The following FRAS1 variants were observed in gnomAD, a reference collection of about 807,000 sequenced individuals.
FRAS1 encodes the protein Fraser extracellular matrix complex subunit 1, also known as extracellular matrix organizing protein FRAS1.
Under a neutral mutation model 435.2 loss-of-function variants are expected in FRAS1, and 290 were observed. The observed-to-expected ratio is 0.67, with a 90% CI of 0.61 to 0.73. FRAS1 has a LOEUF of 0.73. FRAS1 is among the 30% of genes least tolerant of loss of function. FRAS1 has a pLI of 0.00. For missense variants in FRAS1, 4,860 were observed against 5,001.5 expected (o/e 0.97, Z 0.85); for synonymous variants, 1,800 against 1,851.0 (o/e 0.97, Z 0.71).
intron 6 of FRAS1, among the ~76,000 whole-genome samples, chr4:78,256,590 C>T (rs2110139073): frequency 6.6e-6 from 1 of 152,248 alleles, no homozygotes; most frequent in South Asian, 2.1e-4. Flanking sequence ...TATTAGGGGA[C>T]CAGCTACTGG....
intron 1 of FRAS1, 82 bp downstream of exon 1, chr4:78,058,167 A>G: frequency 7.7e-7 from 1 of 1,299,362 alleles, no homozygotes; most frequent in Non-Finnish European, 1.1e-6. Context: ...CAGTTTAAAA[A>G]TCTCAGCAGG....
intron 72 of FRAS1, among the ~76,000 whole-genome samples, chr4:78,537,966 A>G (rs1042315249): frequency 1.3e-5 from 2 of 152,092 alleles, no homozygotes; most frequent in African/African-American, 4.8e-5. Flanking sequence ...AAGAAAAAAA[A>G]AAGCCATAAT....
chr4:78,171,094 C>T (rs930026834), intron 2 of FRAS1, among the ~76,000 whole-genome samples: 1 of 152,106 alleles, frequency 6.6e-6, no homozygotes, highest in African/African-American at 2.4e-5. Context: ...TATGAGGTAG[C>T]TTGTCTGTGA....
intron 29 of FRAS1, among the ~76,000 whole-genome samples, chr4:78,394,838 A>G (rs1732592737): frequency 6.6e-6 from 1 of 152,016 alleles, no homozygotes; most frequent in Non-Finnish European, 1.5e-5. Context: ...ATTTATAAAC[A>G]TGGGATATCT....
At chr4:78,397,431 T>A (rs1732714422) in intron 29 of FRAS1, among the ~76,000 whole-genome samples, 1 of 152,168 alleles carries the variant, frequency 6.6e-6, no homozygotes, top group African/African-American at 2.4e-5. Flanking sequence ...CAGGGGACTG[T>A]TGATGTGTGT....
intron 14 of FRAS1, among the ~76,000 whole-genome samples, chr4:78,297,365 G>C (rs1728185752): frequency 6.6e-6 from 1 of 152,180 alleles, no homozygotes; most frequent in African/African-American, 2.4e-5. Flanking sequence ...CTGGGTCTGG[G>C]AAGGCTTTGT....
At chr4:78,144,973 A>G (rs568791124) in intron 2 of FRAS1, among the ~76,000 whole-genome samples, 3 of 152,310 alleles carry the variant, frequency 2.0e-5, no homozygotes, top group Admixed American at 6.5e-5. Context: ...TTTTCTTAGG[A>G]TAAATACCTG....
chr4:78,317,676 C>G (rs1729334027), intron 17 of FRAS1, among the ~76,000 whole-genome samples, 168 bp downstream of exon 17: 1 of 152,076 alleles, frequency 6.6e-6, no homozygotes. Context: ...AAGGGTTAAT[C>G]TGAAAAAATT....
chr4:78,441,995 C>T (rs766548843), intron 41 of FRAS1, among the ~76,000 whole-genome samples: 1 of 152,216 alleles, frequency 6.6e-6, no homozygotes, highest in South Asian at 2.1e-4. Flanking sequence ...GGTTGCTGTG[C>T]GGCTTTCCCT....
chr4:78,092,484 T>C (rs1741583913), intron 2 of FRAS1, among the ~76,000 whole-genome samples: 1 of 152,148 alleles, frequency 6.6e-6, no homozygotes, highest in South Asian at 2.1e-4. Context: ...GAAACTCCTG[T>C]TTTTAAAACC....
Position 78,337,543 on chromosome 4 carries a change from G to T in FRAS1, c.2279-131G>T, listed in dbSNP as rs1730217689. 6 of 1,090,440 alleles carry T rather than the reference G, an allele frequency of 5.5e-6. No homozygotes were observed. The Admixed American group carries it at 1.2e-4, about 22-fold the overall frequency. The allele number at this position is 1,090,440 out of a possible 1,614,324, so 67.5% of individuals were successfully genotyped here. On this transcript the variant is annotated intron_variant, in intron 19 of 73. Transcript: ENST00000512123. ...TCAGGTCCAAGGGTGTGCCCGGCTT[G>T]CTCAGGAATCTTCTAAAGATGATTA...
In FRAS1 at chr4:78,511,227, G is replaced by GT. The variant is rs545796748; in HGVS notation, c.9781-44dup. 136 of 1,442,716 alleles carry GT rather than the reference G, an allele frequency of 9.4e-5. No homozygotes were observed. The East Asian group carries it at 3.0e-3, about 32-fold the overall frequency. The allele number at this position is 1,442,716 out of a possible 1,614,324, so 89.4% of individuals were successfully genotyped here. On this transcript the variant is annotated intron_variant, in intron 63 of 73. Transcript: ENST00000512123. ...CTTGAACCAGATCATGTAAGGAGCT[G>GT]TTTAAGTAGGGTACTCACATTGGAG...
At chr4:78,096,576 T>C (rs1292472017) in intron 2 of FRAS1, among the ~76,000 whole-genome samples, 4 of 152,228 alleles carry the variant, frequency 2.6e-5, no homozygotes, top group African/African-American at 9.6e-5. Context: ...TTCCCAGACC[T>C]CAGTTCTTGA....
intron 14 of FRAS1, among the ~76,000 whole-genome samples, chr4:78,300,620 C>G (rs958448816): frequency 2.8e-4 from 43 of 152,128 alleles, no homozygotes; most frequent in Admixed American, 2.1e-3. Context: ...TGATTTGAAA[C>G]ATGTCAATCA....
At chr4:78,511,590 G>A (rs747065729) in intron 64 of FRAS1, 84 bp downstream of exon 64, 1 of 1,005,466 alleles carries the variant, frequency 9.9e-7, no homozygotes, top group Non-Finnish European at 1.5e-6. Flanking sequence ...CAATCAATAA[G>A]GGATGCTTCT....
intron 40 of FRAS1, among the ~76,000 whole-genome samples, chr4:78,440,549 G>C (rs973057771): frequency 5.3e-5 from 8 of 152,080 alleles, no homozygotes; most frequent in Non-Finnish European, 1.2e-4. Context: ...CTCAGATTGT[G>C]GGGTTAGCAT....
At chr4:78,439,205 GT>G (rs1173520437) in intron 40 of FRAS1, 141 bp downstream of exon 40, 5 of 680,690 alleles carry the variant, frequency 7.3e-6, no homozygotes, top group East Asian at 2.8e-5. Flanking sequence ...GATATGCATG[GT>G]TTTCAATCAT....
rs906884008 is a variant in FRAS1 at position 78,516,121 on chromosome 4, C to T, written c.10389+108C>T. 1.1e-4 allele frequency: 88 copies of T among 792,836 alleles called. No individual in the cohort carries two copies. The African/African-American group carries it at 1.3e-3, about 12-fold the overall frequency. 49.1% of individuals were successfully genotyped at this position (792,836 alleles called of 1,614,324 possible). A position where few individuals can be genotyped will look rare whatever the true frequency, so the allele number is the denominator to read the frequency against. On this transcript the variant is annotated intron_variant, in intron 66 of 73. Transcript: ENST00000512123. ...CACTTTGCCTCCAGAACTGGGACAA[C>T]CAACTAAGGGAGTCTTCTTTATAAG...
intron 66 of FRAS1, among the ~76,000 whole-genome samples, chr4:78,518,106 G>A (rs1413661584): frequency 1.4e-5 from 2 of 144,066 alleles, no homozygotes; most frequent in Non-Finnish European, 3.0e-5. Flanking sequence ...TACAGAGAGA[G>A]ACCCCATCTC....
Sources: gnomAD v4.1 joint callset for allele counts (sites outside exome capture counted in the v4.1 genomes callset) on GRCh38, gnomAD v4.1.1 for gene constraint, MANE v1.5 for transcripts, NCBI Gene and HGNC (gene_info 2026-07-23, HGNC 2026-07-21) for gene names.